The following DMD variants were observed in gnomAD, a reference collection of about 807,000 sequenced individuals.
DMD encodes mutant dystrophin.
In DMD, 63 loss-of-function variants were observed where a neutral mutation model predicts 330.1. The observed-to-expected ratio is 0.19, with a 90% CI of 0.16 to 0.24. The LOEUF (loss-of-function observed/expected upper bound fraction) is 0.24, where lower values mean the gene tolerates loss of function less well. Among genes scored for constraint, DMD ranks in the 10% least tolerant of loss-of-function variants. The pLI, the probability that DMD is intolerant of heterozygous loss-of-function variation, is 1.00. For synonymous variants in DMD, 1,223 were observed against 959.8 expected (o/e 1.27, Z -5.07); for missense variants, 3,344 against 2,684.1 (o/e 1.25, Z -5.43).
chrX:32,493,902 G>A (rs1439424340), intron 19 of DMD, among the ~76,000 whole-genome samples: 1 of 111,010 alleles, frequency 9.0e-6, no homozygotes, highest in Non-Finnish European at 1.9e-5. Flanking sequence ...TATTAAACAG[G>A]CAAAAAAGAA....
rs931166871 is a variant in DMD at position 32,361,604 on chromosome X, A to T, written c.5325+1184T>A. On this transcript the variant is annotated intron_variant, in intron 37 of 78. Coordinates refer to ENST00000357033, the MANE Select transcript of DMD (RefSeq NM_004006.3). ...ATACAAGCTAAACTATTTAGAATTT[A>T]TCATGTCACATTTCACTTATTTTGA... 2.7e-5 allele frequency among the ~76,000 whole-genome samples: 3 copies of T among 111,976 alleles called. No homozygotes were observed. The Admixed American group carries it at 2.9e-4, about 11-fold the overall frequency.
At chrX:32,838,639 G>T (rs1279637495) in intron 4 of DMD, among the ~76,000 whole-genome samples, 1 of 111,586 alleles carries the variant, frequency 9.0e-6, no homozygotes, top group Non-Finnish European at 1.9e-5. Flanking sequence ...TCTTAATCCA[G>T]TCTATCACTG....
At chrX:32,181,387 G>T (rs2096926565) in intron 44 of DMD, among the ~76,000 whole-genome samples, 1 of 111,860 alleles carries the variant, frequency 8.9e-6, no homozygotes, top group Admixed American at 9.5e-5. Context: ...TGGATATTCT[G>T]ATTGGATATA....
intron 1 of DMD, among the ~76,000 whole-genome samples, chrX:33,116,740 AG>A (rs1232511691): frequency 9.0e-6 from 1 of 111,652 alleles, no homozygotes; most frequent in Non-Finnish European, 1.9e-5. Context: ...GAATTTTTGA[AG>A]ATGGGAATGC....
At chrX:32,205,421 C>G (rs2097063669) in intron 44 of DMD, among the ~76,000 whole-genome samples, 3 of 108,925 alleles carry the variant, frequency 2.8e-5, no homozygotes, top group Non-Finnish European at 5.7e-5. Flanking sequence ...TCATATCGCT[C>G]TCTCTATGAA....
At chrX:32,607,670 G>A (rs745901182) in intron 12 of DMD, among the ~76,000 whole-genome samples, 1 of 110,450 alleles carries the variant, frequency 9.1e-6, no homozygotes, top group East Asian at 2.8e-4. Flanking sequence ...CATGCATTTT[G>A]TTATAAGATA....
intron 40 of DMD, chrX:32,342,853 G>C (rs749623429): frequency 7.5e-6 from 3 of 398,344 alleles, no homozygotes; most frequent in Admixed American, 2.9e-5. Context: ...TAGTTCATCT[G>C]GAACAAAGAT....
At chrX:31,376,997 C>T (rs189262931) in intron 60 of DMD, among the ~76,000 whole-genome samples, 55 of 112,253 alleles carry the variant, frequency 4.9e-4, no homozygotes, top group African/African-American at 1.7e-3. Context: ...AAACAAATTG[C>T]CCCATTTGCA....
At chrX:31,287,589 C>T (rs2053322611) in intron 62 of DMD, among the ~76,000 whole-genome samples, 1 of 111,749 alleles carries the variant, frequency 8.9e-6, no homozygotes, top group Non-Finnish European at 1.9e-5. Context: ...TGAAAGAAAG[C>T]ACAATGAGGA....
At chrX:31,173,444 A>G in intron 72 of DMD, 95 bp downstream of exon 72, 1 of 1,034,820 alleles carries the variant, frequency 9.7e-7, no homozygotes, top group Non-Finnish European at 1.3e-6. Flanking sequence ...AAGTTTGGGG[A>G]AAAAAAGAAA....
intron 1 of DMD, among the ~76,000 whole-genome samples, chrX:33,137,802 A>C (rs2095536072): frequency 1.8e-5 from 2 of 112,116 alleles, no homozygotes; most frequent in African/African-American, 6.5e-5. Flanking sequence ...GGGAAAAATA[A>C]TGAAGGAACA....
At chrX:32,056,776 G>A (rs2147614156) in intron 44 of DMD, among the ~76,000 whole-genome samples, 1 of 111,186 alleles carries the variant, frequency 9.0e-6, no homozygotes, top group East Asian at 2.8e-4. Context: ...CATTCTACAA[G>A]GGGCATCAGT....
At chrX:32,730,166 C>T (rs2067391600) in intron 7 of DMD, among the ~76,000 whole-genome samples, 1 of 111,528 alleles carries the variant, frequency 9.0e-6, no homozygotes, top group Non-Finnish European at 1.9e-5. Flanking sequence ...GACCCTGTCT[C>T]TACAAAATAA....
At chrX:32,587,762 G>A (rs5928027) in intron 13 of DMD, among the ~76,000 whole-genome samples, 5,750 of 111,262 alleles carry the variant, frequency 0.052, 133 homozygotes, top group African/African-American at 0.068. Context: ...ACTTTCCACA[G>A]CTCTTATCGC....
chrX:32,404,032 G>C (rs1005511625), intron 30 of DMD, among the ~76,000 whole-genome samples: 19 of 111,870 alleles, frequency 1.7e-4, no homozygotes, highest in African/African-American at 5.2e-4. Context: ...CAATCTGATA[G>C]ACCAAAATCT....
chrX:31,302,257 G>A (rs5971565), intron 62 of DMD, among the ~76,000 whole-genome samples: 42,019 of 110,602 alleles, frequency 0.38, 8,809 homozygotes, highest in African/African-American at 0.81. Context: ...CACAGTCTAA[G>A]GAGACAAAGC....
intron 30 of DMD, among the ~76,000 whole-genome samples, chrX:32,390,396 T>C (rs988156943): frequency 1.3e-4 from 14 of 109,702 alleles, no homozygotes; most frequent in Non-Finnish European, 2.1e-4. Flanking sequence ...ATCATAAATA[T>C]TTTTTACTTT....
At chrX:32,622,115 T>A (rs1402894443) in intron 11 of DMD, among the ~76,000 whole-genome samples, 1 of 111,409 alleles carries the variant, frequency 9.0e-6, no homozygotes, top group Non-Finnish European at 1.9e-5. Context: ...TATGAATTAT[T>A]TTGACATGAG....
intron 1 of DMD, among the ~76,000 whole-genome samples, chrX:33,045,315 TACAC>T (rs55970492): frequency 2.0e-3 from 192 of 96,738 alleles, no homozygotes; most frequent in African/African-American, 5.8e-3. Context: ...CACAGGTGCG[TACAC>T]ACACACACAC....
Sources: gnomAD v4.1 joint callset for allele counts (sites outside exome capture counted in the v4.1 genomes callset) on GRCh38, gnomAD v4.1.1 for gene constraint, MANE v1.5 for transcripts, NCBI Gene and HGNC (gene_info 2026-07-23, HGNC 2026-07-21) for gene names.